The following UGT1A10 variants were observed in gnomAD, a reference collection of about 807,000 sequenced individuals.
UGT1A10 encodes UDP glucuronosyltransferase family 1 member A10.
In UGT1A10, 49 loss-of-function variants were observed where a neutral mutation model predicts 45.8. The observed-to-expected ratio is 1.07, with a 90% CI of 0.85 to 1.36. The LOEUF is 1.36. UGT1A10 is among the 40% of genes most tolerant of loss of function. UGT1A10 has a pLI of 0.00. For synonymous variants in UGT1A10, 284 were observed against 249.7 expected, an observed-to-expected ratio of 1.14 and a Z score of -1.29; for missense variants, 745 against 668.6, an observed-to-expected ratio of 1.11 and a Z score of -1.26.
intron 1 of UGT1A10, among the ~76,000 whole-genome samples, chr2:233,749,562 T>G (rs541768746): frequency 6.6e-6 from 1 of 151,876 alleles, no homozygotes; most frequent in African/African-American, 2.4e-5. Flanking sequence ...ATGTATTCAA[T>G]AGTGAGGCCA....
chr2:233,640,951 T>G (rs1170056334), intron 1 of UGT1A10, among the ~76,000 whole-genome samples: 1 of 152,194 alleles, frequency 6.6e-6, no homozygotes, highest in Non-Finnish European at 1.5e-5. Flanking sequence ...TCTCCCTTTC[T>G]TCATGGTCTA....
intron 1 of UGT1A10, among the ~76,000 whole-genome samples, chr2:233,669,902 C>T (rs1029558446): frequency 2.0e-5 from 3 of 152,104 alleles, no homozygotes; most frequent in Non-Finnish European, 4.4e-5. Flanking sequence ...CCAGGCTGGT[C>T]TCCAACTCCT....
At chr2:233,735,191 G>T (rs1286482210) in intron 1 of UGT1A10, among the ~76,000 whole-genome samples, 1 of 150,050 alleles carries the variant, frequency 6.7e-6, no homozygotes, top group African/African-American at 2.5e-5. Flanking sequence ...TATGAATCTA[G>T]GTGCTCCTGT....
intron 1 of UGT1A10, among the ~76,000 whole-genome samples, chr2:233,641,048 T>C (rs550443751): frequency 2.6e-5 from 4 of 152,134 alleles, no homozygotes; most frequent in African/African-American, 9.7e-5. Context: ...ATGCAAGTTA[T>C]CTCACTGCAA....
chr2:233,742,761 T>C (rs978880235), intron 1 of UGT1A10: 1 of 153,020 alleles, frequency 6.5e-6, no homozygotes, highest in African/African-American at 2.4e-5. Flanking sequence ...ATTAAGATAA[T>C]AAATGCATGT....
At chr2:233,760,232 C>CTA (rs1697356426) in intron 1 of UGT1A10, 1 of 1,429,076 alleles carries the variant, frequency 7.0e-7, no homozygotes, top group Non-Finnish European at 9.5e-7. Flanking sequence ...TTGGTTTTTG[C>CTA]CATATATATA....
rs879204025 is a variant in UGT1A10, at chr2:233,769,857, CA to C, written c.1295+1435del. 0.15 allele frequency: 32,681 copies of C among 223,256 alleles called. 81 individuals are homozygous for C. Among genetic ancestry groups the C allele is most frequent in the Middle Eastern group, 0.2 (155 of 784 alleles). The allele number at this position is 223,256 out of a possible 1,614,324, so 13.8% of individuals were successfully genotyped here. ...TGGGCAACAGAGTGAGACCCTGTCT[CA>C]AAAAAAAAAAAAAAAATGAAAAGTC... On this transcript the variant is annotated intron_variant, in intron 4 of 4. Transcript: ENST00000344644. This position sits in a 1 kb window ranked among gnomAD's most constrained non-coding sequence, Gnocchi z 4.4.
intron 1 of UGT1A10, among the ~76,000 whole-genome samples, chr2:233,723,552 T>G (rs1350574557): frequency 7.9e-6 from 1 of 126,806 alleles, no homozygotes; most frequent in Non-Finnish European, 1.6e-5. Flanking sequence ...ATTTTTTTAT[T>G]GATAATTCTT....
intron 1 of UGT1A10, chr2:233,647,825 A>T: frequency 1.0e-6 from 1 of 975,046 alleles, no homozygotes; most frequent in Non-Finnish European, 1.5e-6. Flanking sequence ...ATTTGCCCCA[A>T]AAGCTAGCTT....
At chr2:233,767,402 C>T (rs1699387838) in intron 2 of UGT1A10, among the ~76,000 whole-genome samples, 1 of 152,122 alleles carries the variant, frequency 6.6e-6, no homozygotes, top group Non-Finnish European at 1.5e-5. Flanking sequence ...ATCATTTTCT[C>T]TAAGAGACTC....
intron 1 of UGT1A10, among the ~76,000 whole-genome samples, chr2:233,710,292 TGTTGG>T (rs2076124594): frequency 6.6e-6 from 1 of 152,204 alleles, no homozygotes; most frequent in African/African-American, 2.4e-5. Context: ...AAAGTGGGAT[TGTTGG>T]GTTGCATGGT....
intron 1 of UGT1A10, among the ~76,000 whole-genome samples, chr2:233,715,374 C>CAT (rs35623965): frequency 0.1 from 15,418 of 152,200 alleles, 893 homozygotes; most frequent in East Asian, 0.2. Flanking sequence ...ATTTTCTTCA[C>CAT]AGTTTGCTGT....
At chr2:233,671,760 C>A in intron 1 of UGT1A10, 3 of 1,324,418 alleles carry the variant, frequency 2.3e-6, no homozygotes, top group Non-Finnish European at 3.0e-6. Context: ...TCAGCAAAAG[C>A]TACTCATATA....
chr2:233,766,951 A>C (rs1699289551), intron 1 of UGT1A10, 83 bp from the exon 2 acceptor site: 10 of 1,601,242 alleles, frequency 6.2e-6, no homozygotes, highest in Non-Finnish European at 8.5e-6. Context: ...CTTAAGAGGA[A>C]GATATCTAAT....
chr2:233,703,805 ATC>A (rs199842115), intron 1 of UGT1A10, among the ~76,000 whole-genome samples: 4 of 137,188 alleles, frequency 2.9e-5, no homozygotes, highest in East Asian at 1.9e-4. Context: ...CAGTCTGATA[ATC>A]TCTGTCTTTT....
intron 1 of UGT1A10, among the ~76,000 whole-genome samples, chr2:233,687,736 C>G (rs148067936): frequency 1.6e-3 from 236 of 152,066 alleles, no homozygotes; most frequent in African/African-American, 5.5e-3. Context: ...GACACTGTCT[C>G]TACAAAAAAT....
In UGT1A10 at chr2:233,731,732, C is replaced by T. The variant is rs376493971; in HGVS notation, c.856-35302C>T. Among the ~76,000 whole-genome samples, 8 of 152,220 alleles carry T rather than the reference C, an allele frequency of 5.3e-5. No homozygotes were observed. In the East Asian group the frequency reaches 1.3e-3, roughly 26 times the overall value. On this transcript the variant is annotated intron_variant, in intron 1 of 4. Transcript: ENST00000344644. ...CAGGTCTTTGCTATTGTGAATAGTG[C>T]CACAATAAACATACGTGTGCATGTG...
rs1287277260 is a variant in UGT1A10 at position 233,682,790 on chromosome 2, A to G, written c.855+45413A>G. ...CTGTCATCAGGGAAAGCCAGTGCCT[A>G]TGGTAAGTTATCTCCCCTTTAGCAC... On this transcript the variant is annotated intron_variant, in intron 1 of 4. Transcript: ENST00000344644. The G allele has an allele frequency of 2.2e-5, 35 of 1,611,474 alleles. No homozygotes were observed. The East Asian group carries it at 7.4e-4, about 34-fold the overall frequency.
chr2:233,724,303 C>T (rs1272665278), intron 1 of UGT1A10, among the ~76,000 whole-genome samples: 6 of 139,774 alleles, frequency 4.3e-5, no homozygotes, highest in South Asian at 2.5e-4. Flanking sequence ...CCCCCCACCT[C>T]CCTCCCGGAC....
Sources: allele counts gnomAD v4.1 joint callset (sites outside exome capture counted in the v4.1 genomes callset), GRCh38; gene constraint gnomAD v4.1.1; non-coding constraint Gnocchi (gnomAD v3.1); transcripts MANE v1.5; gene names NCBI Gene and HGNC (gene_info 2026-07-23, HGNC 2026-07-21).